The following CDC37 variants were observed in gnomAD, a reference collection of about 807,000 sequenced individuals.
The protein encoded by CDC37 is cell division cycle 37, HSP90 cochaperone.
Under a neutral mutation model 46.9 loss-of-function variants are expected in CDC37, and 9 were observed. The ratio of observed to expected loss-of-function variants is 0.19; its 90% CI spans 0.12 to 0.33. The LOEUF is 0.33. Ranked by LOEUF, CDC37 falls within the 10% of genes least tolerant of loss-of-function variation. CDC37 has a pLI of 1.00. For synonymous variants in CDC37, 193 were observed against 191.0 expected (o/e 1.01, Z -0.09); for missense variants, 388 against 514.6 (o/e 0.75, Z 2.38).
rs1210093925 is a variant in CDC37 at position 10,403,368 on chromosome 19, C to T, written c.102+10G>A. On this transcript the variant is annotated intron_variant, in intron 1 of 7. Transcript: ENST00000222005. ...GGGAGTGGGGAAAGGGATGGGCGCG[C>T]GCGCCTTACCTGATGCCGCCAGCGG... 9.3e-6 allele frequency: 15 copies of T among 1,606,854 alleles called. No individual in the cohort carries two copies. The highest frequency in any genetic ancestry group is 1.2e-5 in the Non-Finnish European group (14 of 1,176,838).
Position 10,393,205 on chromosome 19 carries a change from TG to T in CDC37, c.910-49del. On this transcript the variant is annotated intron_variant, in intron 6 of 7. Transcript: ENST00000222005. The surrounding 1 kb of genome is among the most constrained non-coding windows in gnomAD (Gnocchi z 4.9). ...GTCAGGGGCTGGGTCCCTGTGGCCCTGGGGGGTCCCGCTCAGGGTCTTCCTG... is the reference window on the plus strand; with the variant it reads ...GTCAGGGGCTGGGTCCCTGTGGCCCTGGGGGTCCCGCTCAGGGTCTTCCTG... The T allele has an allele frequency of 1.2e-6, 2 of 1,612,204 alleles. No homozygotes were observed. The highest frequency in any genetic ancestry group is 1.7e-6 in the Non-Finnish European group (2 of 1,178,626).
intron 2 of CDC37, 61 bp from the exon 3 acceptor site, chr19:10,395,604 C>T (rs1478838474): frequency 1.5e-6 from 2 of 1,313,720 alleles, no homozygotes; most frequent in Non-Finnish European, 1.1e-6. Context: ...TCGAGCGCGG[C>T]CGGGCGGGCC....
Position 10,393,764 on chromosome 19 carries a change from A to G in CDC37, c.727-323T>C. 1 of 301,602 alleles carries G rather than the reference A, an allele frequency of 3.3e-6. No homozygotes were observed. Among genetic ancestry groups the G allele is most frequent in the Non-Finnish European group, 6.2e-6 (1 of 162,140 alleles). 18.7% of individuals were successfully genotyped at this position (301,602 alleles called of 1,614,324 possible). A position where few individuals can be genotyped will look rare whatever the true frequency, so the allele number is the denominator to read the frequency against. ...CTTGGTCTCCCTAATCTCGGTAAGG[A>G]TAGCCCTGTTCCTCCAGGTACGCAG... On this transcript the variant is annotated intron_variant, in intron 5 of 7. Transcript: ENST00000222005. The surrounding 1 kb of genome is among the most constrained non-coding windows in gnomAD (Gnocchi z 4.9).
Position 10,403,533 on chromosome 19 carries a change from A to T in CDC37, c.-54T>A, listed in dbSNP as rs1226399240. 1 of 1,357,452 alleles carries T rather than the reference A, an allele frequency of 7.4e-7. No homozygotes were observed. The highest frequency in any genetic ancestry group is 2.3e-5 in the East Asian group (1 of 43,438). The allele number at this position is 1,357,452 out of a possible 1,614,324, so 84.1% of individuals were successfully genotyped here. ...CTCGGGTGGCGGCGACGGCGGCAGC[A>T]GTGGAGACTAGGAGCGCGGAGCCCC... On this transcript the variant is annotated 5_prime_UTR_variant, in exon 1 of 8. Coordinates refer to ENST00000222005, the MANE Select transcript of CDC37 (RefSeq NM_007065.4).
chr19:10,393,222 G>A lies in CDC37; in HGVS notation c.909+37C>T, dbSNP rs1368719770. ...TGTGGCCCTGGGGGGTCCCGCTCAG[G>A]GTCTTCCTGCTGCCCGCCTGGGCCG... On this transcript the variant is annotated intron_variant, in intron 6 of 7. Transcript: ENST00000222005. This position sits in a 1 kb window ranked among gnomAD's most constrained non-coding sequence, Gnocchi z 4.9. The A allele has an allele frequency of 1.2e-6, 2 of 1,612,838 alleles. No individual in the cohort carries two copies. The highest frequency in any genetic ancestry group is 1.7e-6 in the Non-Finnish European group (2 of 1,179,326).
intron 2 of CDC37, 90 bp downstream of exon 2, chr19:10,395,838 T>C: frequency 1.8e-6 from 2 of 1,114,662 alleles, no homozygotes; most frequent in Non-Finnish European, 1.2e-6. Context: ...ACCGGGGTCC[T>C]CCCCTGACCA....
rs2042474085 is a variant in CDC37 at position 10,394,046 on chromosome 19, T to C, written c.727-605A>G. Among the ~76,000 whole-genome samples, 5 of 152,020 alleles carry C rather than the reference T, an allele frequency of 3.3e-5. No individual in the cohort carries two copies. The South Asian group carries it at 1.0e-3, about 32-fold the overall frequency. Reference sequence around the variant, plus strand: ...CGGAGGTTGCAGTGAGCCGAGATCGTGCTACTGCACTCCAGCCTGGGCAAC... The same window carrying C: ...CGGAGGTTGCAGTGAGCCGAGATCGCGCTACTGCACTCCAGCCTGGGCAAC... On this transcript the variant is annotated intron_variant, in intron 5 of 7. Transcript: ENST00000222005.
intron 1 of CDC37, 27 bp downstream of exon 1, chr19:10,403,351 G>T (rs767914013): frequency 6.3e-7 from 1 of 1,579,888 alleles, no homozygotes; most frequent in South Asian, 1.1e-5. Flanking sequence ...CCGGGAGTGG[G>T]GAAAGGGATG....
intron 1 of CDC37, among the ~76,000 whole-genome samples, chr19:10,399,614 C>T (rs953624781): frequency 6.6e-6 from 1 of 150,936 alleles, no homozygotes; most frequent in Admixed American, 6.6e-5. Context: ...CCAGCCTAGG[C>T]AACATAGTGA....
At chr19:10,397,734 T>A (rs1257349113) in intron 1 of CDC37, among the ~76,000 whole-genome samples, 1 of 152,030 alleles carries the variant, frequency 6.6e-6, no homozygotes, top group Admixed American at 6.6e-5. Flanking sequence ...GTTCCACCCA[T>A]AACCTTGCCC....
Position 10,395,925 on chromosome 19 carries a change from C to T in CDC37, c.378+3G>A. ...CACTGCCCGCCCCGCCCGCCCCGCA[C>T]ACCTTGCTGAAGCCGTCTTTGCTGA... On this transcript the variant is annotated splice_donor_region_variant and intron_variant, in intron 2 of 7. Coordinates refer to ENST00000222005, the MANE Select transcript of CDC37 (RefSeq NM_007065.4). 1 of 1,612,406 alleles carries T rather than the reference C, an allele frequency of 6.2e-7. No homozygotes were observed. The highest frequency in any genetic ancestry group is 1.7e-5 in the Admixed American group (1 of 59,844).
At position 10,395,551 on chromosome 19, in the gene CDC37, A is replaced by T; in HGVS notation, c.379-8T>A. The T allele has an allele frequency of 1.2e-6, 2 of 1,602,964 alleles. No individual in the cohort carries two copies. The highest frequency in any genetic ancestry group is 2.2e-5 in the South Asian group (2 of 90,860). ...CTTGGTATTTACCATGCTCTGTGGT[A>T]GGGTGAGAGGGGGAGTGGGCTGGGG... On this transcript the variant is annotated splice_region_variant and splice_polypyrimidine_tract_variant and intron_variant, in intron 2 of 7. Coordinates refer to ENST00000222005, the MANE Select transcript of CDC37 (RefSeq NM_007065.4).
At position 10,391,570 on chromosome 19, in the gene CDC37, T is replaced by C. The variant is rs1408595288; in HGVS notation, c.1118A>G (p.Glu373Gly). 6.2e-7 allele frequency: 1 copy of C among 1,614,094 alleles called. No individual in the cohort carries two copies. The highest frequency in any genetic ancestry group is 8.5e-7 in the Non-Finnish European group (1 of 1,180,022). ...LLEAVPKTGD[E>G]KDVSV is the part of the protein sequence containing the mutation. ...GGCAGGTCACACACTGACATCCTTC[T>C]CATCGCCCGTCTTGGGAACAGCTTC... is the stretch of plus-strand genomic sequence containing the variant. The change falls in exon 8 of 8, where the codon GAG becomes GGG. Residue 373 changes from glutamate to glycine, a missense_variant. Physicochemically the swap from Glu to Gly is moderately conservative, Grantham distance 98. Around this residue, in one of 2 missense-constraint regions of CDC37, gnomAD observed 374 missense variants for 467.4 expected, o/e 0.80. Transcript: ENST00000222005.
At position 10,403,277 on chromosome 19, in the gene CDC37, G is replaced by A. The variant is rs145946426; in HGVS notation, c.102+101C>T. 239 of 848,762 alleles carry A rather than the reference G, an allele frequency of 2.8e-4. 3 individuals carry two copies. In the South Asian group the frequency reaches 3.3e-3, roughly 12 times the overall value. The allele number at this position is 848,762 out of a possible 1,614,324, so 52.6% of individuals were successfully genotyped here. A position where few individuals can be genotyped will look rare whatever the true frequency, so the allele number is the denominator to read the frequency against. On this transcript the variant is annotated intron_variant, in intron 1 of 7. Coordinates refer to ENST00000222005, the MANE Select transcript of CDC37 (RefSeq NM_007065.4). ...CTGAAAATCCAGACTGGGGGGGTGA[G>A]AATCCTAGGTGTGAACAGCGGGGTC...
Position 10,396,355 on chromosome 19 carries a change from G to A in CDC37, c.103-152C>T, listed in dbSNP as rs536116898. 2.8e-5 allele frequency: 25 copies of A among 887,308 alleles called. No homozygotes were observed. Among genetic ancestry groups the A allele is most frequent in the Non-Finnish European group, 4.0e-5 (24 of 593,018 alleles). 55.0% of individuals were successfully genotyped at this position (887,308 alleles called of 1,614,324 possible). Reference sequence around the variant, plus strand: ...CCAGCTTCCGCCCCTGCGCCCACAGGTGCCAGCGCACACCCAAGTGGGGTC... The same window carrying A: ...CCAGCTTCCGCCCCTGCGCCCACAGATGCCAGCGCACACCCAAGTGGGGTC... On this transcript the variant is annotated intron_variant, in intron 1 of 7. Coordinates refer to ENST00000222005, the MANE Select transcript of CDC37 (RefSeq NM_007065.4). This position sits in a 1 kb window ranked among gnomAD's most constrained non-coding sequence, Gnocchi z 5.9.
intron 5 of CDC37, among the ~76,000 whole-genome samples, chr19:10,394,218 C>T (rs1455740988): frequency 6.6e-6 from 1 of 152,198 alleles, no homozygotes; most frequent in Non-Finnish European, 1.5e-5. Context: ...GAGCTGAGAT[C>T]ACGCCACTGC....
rs1438499333 is a variant in CDC37 at position 10,393,359 on chromosome 19, C to T, written c.809G>A (p.Arg270His). ...GTACTCCTTCATGGCCTTCTCGATG[C>T]GCAGCTTGGCACGGCCCCGCACACG... ...KERVRGRAKL[R>H]IEKAMKEYEE... The change falls in exon 6 of 8, where the codon CGC becomes CAC. Residue 270 changes from arginine (R) to histidine (H), a missense_variant. Arg to His is a conservative substitution (Grantham distance 29). Around this residue, in one of 2 missense-constraint regions of CDC37, gnomAD observed 374 missense variants for 467.4 expected, o/e 0.80. Coordinates refer to ENST00000222005, the MANE Select transcript of CDC37 (RefSeq NM_007065.4). This position sits in a 1 kb window ranked among gnomAD's most constrained non-coding sequence, Gnocchi z 4.9. 2 of 1,613,962 alleles carry T rather than the reference C, an allele frequency of 1.2e-6. No individual in the cohort carries two copies. Among genetic ancestry groups the T allele is most frequent in the South Asian group, 1.1e-5 (1 of 91,092 alleles).
chr19:10,391,951 C>G (rs1223359578), intron 7 of CDC37, among the ~76,000 whole-genome samples: 1 of 152,172 alleles, frequency 6.6e-6, no homozygotes, highest in Non-Finnish European at 1.5e-5. Flanking sequence ...GTTACCGACG[C>G]CTGTCACCAT....
Position 10,393,494 on chromosome 19 carries a change from T to A in CDC37, c.727-53A>T. 2 of 1,548,330 alleles carry A rather than the reference T, an allele frequency of 1.3e-6. No homozygotes were observed. Among genetic ancestry groups the A allele is most frequent in the Non-Finnish European group, 1.7e-6 (2 of 1,145,368 alleles). On this transcript the variant is annotated intron_variant, in intron 5 of 7. Coordinates refer to ENST00000222005, the MANE Select transcript of CDC37 (RefSeq NM_007065.4). This position sits in a 1 kb window ranked among gnomAD's most constrained non-coding sequence, Gnocchi z 4.9. ...ACCTGGCCCAACGCTCAGGAGGGAC[T>A]GGGGGGCCCAGGACCCTCCAGCCAC...
Sources: gnomAD v4.1 joint callset for allele counts (sites outside exome capture counted in the v4.1 genomes callset) on GRCh38, gnomAD v4.1.1 for gene constraint, gnomAD v4.1.1 regional missense constraint, Gnocchi (gnomAD v3.1) non-coding constraint, MANE v1.5 for transcripts, NCBI Gene and HGNC (gene_info 2026-07-23, HGNC 2026-07-21) for gene names.